CNTN6: variants seen among roughly 807,000 people sequenced by gnomAD.
CNTN6 encodes the protein contactin 6.
Under a neutral mutation model 122.8 loss-of-function variants are expected in CNTN6, and 137 were observed. That is an observed-to-expected ratio of 1.12 (90% confidence interval 0.97 to 1.29). The LOEUF is 1.29. CNTN6 is among the 50% of genes most tolerant of loss of function. The pLI is 0.00. For missense variants in CNTN6, 1,634 were observed against 1,223.4 expected (o/e 1.34, Z -5.01); for synonymous variants, 570 against 426.0 (o/e 1.34, Z -4.16).
intron 4 of CNTN6, among the ~76,000 whole-genome samples, chr3:1,269,888 G>C (rs572846499): frequency 2.3e-4 from 35 of 151,902 alleles, no homozygotes; most frequent in Non-Finnish European, 4.9e-4. Flanking sequence ...AAATTTTTAC[G>C]AAAATTCTTT....
At chr3:1,102,205 A>C (rs1386676855) in intron 1 of CNTN6, among the ~76,000 whole-genome samples, 1 of 152,046 alleles carries the variant, frequency 6.6e-6, no homozygotes. Flanking sequence ...GGTTTCCCAT[A>C]TTTGTATGTC....
At chr3:1,401,622 C>G in intron 21 of CNTN6, 77 bp downstream of exon 21, 2 of 893,132 alleles carry the variant, frequency 2.2e-6, no homozygotes, top group Admixed American at 5.1e-5. Context: ...AAATGGAAAA[C>G]AAATTGGATG....
At chr3:1,103,503 A>T (rs2091059874) in intron 1 of CNTN6, among the ~76,000 whole-genome samples, 1 of 152,188 alleles carries the variant, frequency 6.6e-6, no homozygotes, top group African/African-American at 2.4e-5. Flanking sequence ...TGGCAAAAGT[A>T]TTATTTTTAC....
chr3:1,194,196 G>A (rs2093742794), intron 2 of CNTN6, among the ~76,000 whole-genome samples: 1 of 152,024 alleles, frequency 6.6e-6, no homozygotes, highest in Admixed American at 6.6e-5. Flanking sequence ...GGTGAGCGCT[G>A]CCCCAAGAAT....
intron 1 of CNTN6, among the ~76,000 whole-genome samples, chr3:1,112,808 A>G (rs957940303): frequency 6.6e-6 from 1 of 152,136 alleles, no homozygotes; most frequent in Non-Finnish European, 1.5e-5. Flanking sequence ...CCAAATTTCC[A>G]AGGGGCCAGA....
At chr3:1,138,319 G>A (rs116374226) in intron 1 of CNTN6, among the ~76,000 whole-genome samples, 43 of 151,204 alleles carry the variant, frequency 2.8e-4, no homozygotes, top group African/African-American at 1.0e-3. Context: ...TTGAATATTG[G>A]TCCAACTTCA....
intron 7 of CNTN6, among the ~76,000 whole-genome samples, chr3:1,316,167 C>G (rs964145344): frequency 1.3e-5 from 2 of 149,464 alleles, no homozygotes; most frequent in Admixed American, 6.7e-5. Flanking sequence ...GAATTGTGTA[C>G]TATTACTAAT....
Position 1,285,124 on chromosome 3 carries a change from A to T in CNTN6, c.454+6616A>T, listed in dbSNP as rs144565520. On this transcript the variant is annotated intron_variant, in intron 5 of 22. Coordinates refer to ENST00000446702, the MANE Select transcript of CNTN6 (RefSeq NM_001289080.2). The stretch of plus-strand genomic sequence containing the variant: ...AAAAGTGATTGTGTTAATTCAGGTG[A>T]GAGAGAATGGTGACTTGGACCAGGT... Among the ~76,000 whole-genome samples, 24 of 152,354 alleles carry T rather than the reference A, an allele frequency of 1.6e-4. 1 individual carries two copies. In the East Asian group the frequency reaches 4.6e-3, roughly 29 times the overall value.
chr3:1,339,664 T>G (rs757767474), intron 11 of CNTN6, among the ~76,000 whole-genome samples: 6 of 152,140 alleles, frequency 3.9e-5, no homozygotes, highest in Non-Finnish European at 7.4e-5. Flanking sequence ...ATTACGAGAC[T>G]GTCTTACTGT....
At chr3:1,391,268 G>A (rs1195736486) in intron 20 of CNTN6, among the ~76,000 whole-genome samples, 9 of 119,272 alleles carry the variant, frequency 7.5e-5, no homozygotes, top group Non-Finnish European at 1.5e-4. Context: ...ATCAATAAAT[G>A]TAATCCAGCA....
intron 17 of CNTN6, among the ~76,000 whole-genome samples, chr3:1,377,912 G>T (rs1710113110): frequency 6.6e-6 from 1 of 152,116 alleles, no homozygotes; most frequent in African/African-American, 2.4e-5. Context: ...CCATTTCATA[G>T]GGTAGGGTTT....
At chr3:1,399,649 AGCCCAGT>A (rs1461000875) in intron 20 of CNTN6, among the ~76,000 whole-genome samples, 3 of 152,072 alleles carry the variant, frequency 2.0e-5, no homozygotes, top group Non-Finnish European at 2.9e-5. Flanking sequence ...ATCTGCCCAG[AGCCCAGT>A]GCATAATCAA....
intron 4 of CNTN6, among the ~76,000 whole-genome samples, chr3:1,253,444 G>A (rs912837683): frequency 3.3e-5 from 5 of 152,134 alleles, no homozygotes; most frequent in African/African-American, 1.2e-4. Context: ...TGTAATAGCT[G>A]CATACAGGGA....
At chr3:1,202,435 G>T (rs1056890794) in intron 2 of CNTN6, among the ~76,000 whole-genome samples, 2 of 151,448 alleles carry the variant, frequency 1.3e-5, no homozygotes, top group African/African-American at 4.9e-5. Flanking sequence ...AGCTACTCGG[G>T]AGGCTGAGGC....
chr3:1,334,394 AG>A (rs1472041183), intron 11 of CNTN6, among the ~76,000 whole-genome samples: 1 of 137,288 alleles, frequency 7.3e-6, no homozygotes, highest in Non-Finnish European at 1.6e-5. Flanking sequence ...TTTTTTTTTG[AG>A]GCCACTATTT....
intron 2 of CNTN6, among the ~76,000 whole-genome samples, chr3:1,203,961 T>G (rs1229338958): frequency 6.6e-6 from 1 of 152,224 alleles, no homozygotes; most frequent in Non-Finnish European, 1.5e-5. Context: ...TGTGCAGGTT[T>G]GTAGCCTAGA....
intron 4 of CNTN6, among the ~76,000 whole-genome samples, chr3:1,261,052 A>T (rs1317683831): frequency 2.6e-5 from 4 of 152,168 alleles, no homozygotes; most frequent in Admixed American, 6.6e-5. Flanking sequence ...GGGGAAAAAA[A>T]AATTAGAGAA....
chr3:1,175,797 C>T (rs1307041821), intron 2 of CNTN6, among the ~76,000 whole-genome samples: 1 of 144,074 alleles, frequency 6.9e-6, no homozygotes, highest in Non-Finnish European at 1.6e-5. Flanking sequence ...ATGCGGGACT[C>T]TTGCTGTAGC....
intron 4 of CNTN6, among the ~76,000 whole-genome samples, chr3:1,234,697 G>C (rs1371691013): frequency 7.0e-6 from 1 of 143,276 alleles, no homozygotes. Context: ...TTCTACATCA[G>C]AAAAGAACTA....
Sources: allele counts gnomAD v4.1 joint callset (sites outside exome capture counted in the v4.1 genomes callset), GRCh38; gene constraint gnomAD v4.1.1; transcripts MANE v1.5; gene names NCBI Gene and HGNC (gene_info 2026-07-23, HGNC 2026-07-21).